Variants in ZNF385D observed in about 807,000 individuals in gnomAD.
ZNF385D encodes the protein zinc finger protein 659.
Under a neutral mutation model 35.8 loss-of-function variants are expected in ZNF385D, and 15 were observed. The ratio of observed to expected loss-of-function variants is 0.42; its 90% CI spans 0.28 to 0.64. The LOEUF is 0.64. Among genes scored for constraint, ZNF385D ranks in the 30% least tolerant of loss-of-function variants. The probability of loss-of-function intolerance (pLI) is 0.23; values close to 1 mark genes in which losing one functional copy is unlikely to be tolerated. For synonymous variants in ZNF385D, 212 were observed against 186.8 expected (o/e 1.13, Z -1.10); for missense variants, 474 against 494.6 (o/e 0.96, Z 0.39).
chr3:21,630,046 A>C (rs2065237940), intron 2 of ZNF385D, among the ~76,000 whole-genome samples: 1 of 152,080 alleles, frequency 6.6e-6, no homozygotes, highest in Non-Finnish European at 1.5e-5. Context: ...CATCCTATGA[A>C]GTTTATTTTA....
intron 4 of ZNF385D, among the ~76,000 whole-genome samples, chr3:21,456,047 C>T (rs1702787609): frequency 6.6e-6 from 1 of 152,176 alleles, no homozygotes; most frequent in East Asian, 1.9e-4. Context: ...TACCATCTCA[C>T]ACCAGTTAGA....
At position 22,244,203 on chromosome 3, in the gene ZNF385D, AG is replaced by A. The variant is rs556513989; in HGVS notation, c.107-75169del. 1.4e-3 allele frequency among the ~76,000 whole-genome samples: 206 copies of A among 150,442 alleles called. 7 individuals carry two copies. The highest frequency in any genetic ancestry group is 4.7e-3 in the African/African-American group (191 of 40,654). On this transcript the variant is annotated intron_variant, in intron 2 of 5. Coordinates refer to the ZNF385D transcript ENST00000494108. Reference sequence around the variant, plus strand: ...AAAGCCATTATTAAACTTTTTCTCTAGGGTTTGCAATACCTGCAGTTTGCCA... The same window carrying A: ...AAAGCCATTATTAAACTTTTTCTCTAGGTTTGCAATACCTGCAGTTTGCCA...
At chr3:21,679,342 CATT>C (rs2066827518) in intron 1 of ZNF385D, among the ~76,000 whole-genome samples, 1 of 151,822 alleles carries the variant, frequency 6.6e-6, no homozygotes, top group Non-Finnish European at 1.5e-5. Context: ...ATTTTATTAG[CATT>C]ATTGCTTAAA....
At chr3:22,191,768 G>C (rs562883091) in intron 2 of ZNF385D, among the ~76,000 whole-genome samples, 1 of 152,010 alleles carries the variant, frequency 6.6e-6, no homozygotes, top group South Asian at 2.1e-4. Context: ...ATAAAATAAA[G>C]ACTATCATTA....
intron 2 of ZNF385D, among the ~76,000 whole-genome samples, chr3:21,641,637 T>C (rs2065608534): frequency 6.7e-6 from 1 of 149,306 alleles, no homozygotes; most frequent in Non-Finnish European, 1.5e-5. Context: ...GTCAGCTTTT[T>C]TTTTTTTTTT....
At chr3:22,205,792 T>C (rs929822878) in intron 2 of ZNF385D, among the ~76,000 whole-genome samples, 1 of 151,606 alleles carries the variant, frequency 6.6e-6, no homozygotes, top group African/African-American at 2.4e-5. Flanking sequence ...TAAAACATAG[T>C]ACCAGAGAAA....
At chr3:21,967,212 T>C (rs1043848312) in intron 3 of ZNF385D, among the ~76,000 whole-genome samples, 1 of 152,174 alleles carries the variant, frequency 6.6e-6, no homozygotes, top group Admixed American at 6.5e-5. Flanking sequence ...AGTCTCTTTT[T>C]ATCTATTTCA....
At chr3:21,544,984 A>G (rs964401058) in intron 3 of ZNF385D, among the ~76,000 whole-genome samples, 16 of 152,340 alleles carry the variant, frequency 1.1e-4, no homozygotes, top group South Asian at 4.1e-4. Context: ...ATGATGTTCA[A>G]TCTTCCTTAG....
intron 3 of ZNF385D, among the ~76,000 whole-genome samples, chr3:22,114,935 A>T (rs1340247235): frequency 6.6e-6 from 1 of 152,058 alleles, no homozygotes; most frequent in Non-Finnish European, 1.5e-5. Context: ...GCACAGCAAG[A>T]AGGGCCTCAA....
At chr3:21,600,137 A>G (rs1045728313) in intron 2 of ZNF385D, among the ~76,000 whole-genome samples, 3 of 152,238 alleles carry the variant, frequency 2.0e-5, no homozygotes, top group African/African-American at 7.2e-5. Context: ...TAGGGGAGGC[A>G]TGAATAATCC....
intron 1 of ZNF385D, among the ~76,000 whole-genome samples, chr3:21,681,324 A>AAAAAC (rs1491397837): frequency 6.7e-6 from 1 of 148,848 alleles, no homozygotes; most frequent in Non-Finnish European, 1.5e-5. Flanking sequence ...AAAAAAAAAA[A>AAAAAC]CCTACATTTT....
At chr3:21,924,310 T>C (rs1315252271) in intron 3 of ZNF385D, among the ~76,000 whole-genome samples, 2 of 152,288 alleles carry the variant, frequency 1.3e-5, no homozygotes, top group African/African-American at 2.4e-5. Flanking sequence ...AATAATACAG[T>C]AGTTAGCTTC....
intron 2 of ZNF385D, among the ~76,000 whole-genome samples, chr3:22,326,602 C>T (rs1233993377): frequency 6.6e-6 from 1 of 151,870 alleles, no homozygotes; most frequent in African/African-American, 2.4e-5. Flanking sequence ...AGAAACCTGC[C>T]AGGAATGGAG....
At chr3:21,958,561 A>G (rs144870426) in intron 3 of ZNF385D, among the ~76,000 whole-genome samples, 8 of 152,244 alleles carry the variant, frequency 5.3e-5, no homozygotes, top group Middle Eastern at 6.8e-3. Flanking sequence ...AAGAAGCTAT[A>G]TATCTAATAA....
At chr3:21,767,734 G>T (rs539596093) in intron 3 of ZNF385D, among the ~76,000 whole-genome samples, 5 of 151,864 alleles carry the variant, frequency 3.3e-5, no homozygotes, top group Non-Finnish European at 5.9e-5. Context: ...GAAGAGAAAG[G>T]ATTATATATT....
chr3:22,152,452 TG>T (rs1305847351), intron 3 of ZNF385D, among the ~76,000 whole-genome samples: 2 of 152,158 alleles, frequency 1.3e-5, no homozygotes, highest in Admixed American at 6.6e-5. Context: ...AAGTCTGAAA[TG>T]GATTCTATGG....
At chr3:22,132,705 A>G (rs1214998390) in intron 3 of ZNF385D, among the ~76,000 whole-genome samples, 1 of 152,132 alleles carries the variant, frequency 6.6e-6, no homozygotes, top group Non-Finnish European at 1.5e-5. Context: ...CAGATTGTTT[A>G]AAGATCTAGT....
chr3:21,581,556 T>A (rs2125706471), intron 2 of ZNF385D, among the ~76,000 whole-genome samples: 1 of 152,268 alleles, frequency 6.6e-6, no homozygotes, highest in South Asian at 2.1e-4. Flanking sequence ...AGAAAAATTA[T>A]TAGACATGTG....
intron 2 of ZNF385D, among the ~76,000 whole-genome samples, chr3:21,627,176 T>C (rs1166125015): frequency 6.6e-6 from 1 of 151,940 alleles, no homozygotes; most frequent in Non-Finnish European, 1.5e-5. Context: ...TTTGCTAGGC[T>C]ATTTGTTTCA....
Sources: allele counts gnomAD v4.1 joint callset (sites outside exome capture counted in the v4.1 genomes callset), GRCh38; gene constraint gnomAD v4.1.1; transcripts MANE v1.5; gene names NCBI Gene and HGNC (gene_info 2026-07-23, HGNC 2026-07-21).